The following SLC14A2 variants were observed in gnomAD, a reference collection of about 807,000 sequenced individuals.
SLC14A2 encodes the protein urea transporter 2.
Under a neutral mutation model 104.6 loss-of-function variants are expected in SLC14A2, and 91 were observed. That is an observed-to-expected ratio of 0.87 (90% CI 0.73 to 1.04). The LOEUF (loss-of-function observed/expected upper bound fraction) is 1.04. Ranked by LOEUF, SLC14A2 falls within the 50% of genes least tolerant of loss-of-function variation. SLC14A2 has a pLI of 0.00. For synonymous variants in SLC14A2, 476 were observed against 466.4 expected, an observed-to-expected ratio of 1.02 and a Z score of -0.27; for missense variants, 1,189 against 1,156.0, an observed-to-expected ratio of 1.03 and a Z score of -0.41.
At chr18:45,627,475 T>A (rs1257829611) in intron 4 of SLC14A2, among the ~76,000 whole-genome samples, 1 of 152,114 alleles carries the variant, frequency 6.6e-6, no homozygotes, top group Non-Finnish European at 1.5e-5. Flanking sequence ...CTCAGAATAA[T>A]ACAGGACAGT....
intron 18 of SLC14A2, among the ~76,000 whole-genome samples, chr18:45,678,114 C>T (rs1029520934): frequency 6.6e-6 from 1 of 152,200 alleles, no homozygotes; most frequent in Admixed American, 6.5e-5. Context: ...CCGCCACTCC[C>T]AGTCGTGTAA....
At chr18:45,553,841 C>T (rs1036325166) in intron 2 of SLC14A2, among the ~76,000 whole-genome samples, 16 of 152,086 alleles carry the variant, frequency 1.1e-4, no homozygotes, top group African/African-American at 3.4e-4. Context: ...CTTTCTTTCC[C>T]TCCTAAAGTC....
intron 1 of SLC14A2, among the ~76,000 whole-genome samples, chr18:45,420,471 A>G (rs1189923270): frequency 3.9e-5 from 6 of 152,180 alleles, no homozygotes; most frequent in Non-Finnish European, 8.8e-5. Flanking sequence ...TTGGAGGTTA[A>G]GTATCACAGA....
At chr18:45,621,957 C>T (rs1429193309) in intron 1 of SLC14A2, among the ~76,000 whole-genome samples, 1 of 152,116 alleles carries the variant, frequency 6.6e-6, no homozygotes, top group Non-Finnish European at 1.5e-5. Flanking sequence ...TGTTCAACAC[C>T]TTACAAGTAC....
intron 1 of SLC14A2, among the ~76,000 whole-genome samples, chr18:45,236,333 GTATA>G (rs370411600): frequency 7.5e-5 from 2 of 26,526 alleles, no homozygotes; most frequent in Non-Finnish European, 1.3e-4. Flanking sequence ...ATGTATGTGT[GTATA>G]TATGTGTATA....
intron 1 of SLC14A2, among the ~76,000 whole-genome samples, chr18:45,269,257 A>G (rs1234042851): frequency 1.3e-5 from 2 of 152,100 alleles, no homozygotes; most frequent in East Asian, 3.9e-4. Flanking sequence ...TGGTGCCTAA[A>G]GGACATTCCT....
At chr18:45,290,931 T>G (rs921355915) in intron 1 of SLC14A2, among the ~76,000 whole-genome samples, 7 of 152,184 alleles carry the variant, frequency 4.6e-5, no homozygotes, top group Non-Finnish European at 7.3e-5. Flanking sequence ...TCTCTGACAA[T>G]CAGTAATTTC....
At chr18:45,284,709 C>T (rs758691155) in intron 1 of SLC14A2, among the ~76,000 whole-genome samples, 2 of 152,068 alleles carry the variant, frequency 1.3e-5, no homozygotes, top group Non-Finnish European at 2.9e-5. Flanking sequence ...GATGAAAAAA[C>T]CTGAATGAAG....
At chr18:45,417,878 G>C (rs927657983) in intron 1 of SLC14A2, among the ~76,000 whole-genome samples, 1 of 152,082 alleles carries the variant, frequency 6.6e-6, no homozygotes, top group African/African-American at 2.4e-5. Context: ...TTCCCACCTA[G>C]TCATACCTTC....
intron 2 of SLC14A2, among the ~76,000 whole-genome samples, chr18:45,540,407 C>G (rs2043868151): frequency 6.6e-6 from 1 of 152,164 alleles, no homozygotes; most frequent in Admixed American, 6.5e-5. Context: ...CAGTCACACA[C>G]TGCTTGGAGA....
chr18:45,204,757 A>G, the SLC14A2 span, among the ~76,000 whole-genome samples: 4 of 152,126 alleles, frequency 2.6e-5, no homozygotes, highest in South Asian at 2.1e-4. Flanking sequence ...AAATTCAACC[A>G]ATGCATTTTC....
At chr18:45,315,169 ACCTACAGGGG>A (rs1351715548) in intron 1 of SLC14A2, among the ~76,000 whole-genome samples, 2 of 152,144 alleles carry the variant, frequency 1.3e-5, no homozygotes, top group Non-Finnish European at 2.9e-5. Flanking sequence ...AGGCAGGGGA[ACCTACAGGGG>A]CCTCCAGAAG....
At chr18:45,421,570 TG>T (rs1381613018) in intron 1 of SLC14A2, among the ~76,000 whole-genome samples, 2 of 152,200 alleles carry the variant, frequency 1.3e-5, no homozygotes, top group East Asian at 3.8e-4. Flanking sequence ...GCGATGTTTT[TG>T]GTCCGTATTT....
At chr18:45,520,050 T>C (rs2043495716) in intron 2 of SLC14A2, among the ~76,000 whole-genome samples, 1 of 152,198 alleles carries the variant, frequency 6.6e-6, no homozygotes, top group Non-Finnish European at 1.5e-5. Flanking sequence ...TTTGGGCCAA[T>C]GGGCATGTCT....
intron 1 of SLC14A2, among the ~76,000 whole-genome samples, chr18:45,466,448 C>A (rs1341560993): frequency 6.6e-6 from 1 of 151,300 alleles, no homozygotes; most frequent in Non-Finnish European, 1.5e-5. Context: ...CAAAGCTGAG[C>A]AGCATGTGAG....
chr18:45,476,092 TG>T (rs1444483753), intron 1 of SLC14A2, among the ~76,000 whole-genome samples: 1 of 152,170 alleles, frequency 6.6e-6, no homozygotes, highest in Non-Finnish European at 1.5e-5. Context: ...CTTTACAATT[TG>T]GTATGTTTTT....
chr18:45,183,645 TTTTC>T, the SLC14A2 span, among the ~76,000 whole-genome samples: 5 of 150,966 alleles, frequency 3.3e-5, no homozygotes, highest in African/African-American at 4.9e-5. Flanking sequence ...TTTCTTTTCC[TTTTC>T]TTTCTTTTTC....
intron 1 of SLC14A2, among the ~76,000 whole-genome samples, chr18:45,270,930 G>A (rs749557851): frequency 6.6e-6 from 1 of 152,132 alleles, no homozygotes; most frequent in African/African-American, 2.4e-5. Context: ...GAGAAAGCCT[G>A]AAAGAAAGCC....
At chr18:45,265,107 A>G (rs990382371) in intron 1 of SLC14A2, among the ~76,000 whole-genome samples, 1 of 152,184 alleles carries the variant, frequency 6.6e-6, no homozygotes, top group African/African-American at 2.4e-5. Context: ...CCACTCACCC[A>G]TTAAAAATCA....
Sources: allele counts gnomAD v4.1 joint callset (sites outside exome capture counted in the v4.1 genomes callset), GRCh38; gene constraint gnomAD v4.1.1; transcripts MANE v1.5; gene names NCBI Gene and HGNC (gene_info 2026-07-23, HGNC 2026-07-21).